SLX4IP: variants seen among roughly 807,000 people sequenced by gnomAD.
SLX4IP encodes the protein SLX4 interacting protein.
SLX4IP carries 34 observed loss-of-function variants against 32.9 expected under a neutral mutation model. That is an observed-to-expected ratio of 1.03 (90% CI 0.79 to 1.38). SLX4IP has a LOEUF of 1.38. SLX4IP is among the 40% of genes most tolerant of loss of function. The pLI, the probability that SLX4IP is intolerant of heterozygous loss-of-function variation, is 0.00. For synonymous variants in SLX4IP, 172 were observed against 171.7 expected, an observed-to-expected ratio of 1.00 and a Z score of -0.01; for missense variants, 444 against 479.0, an observed-to-expected ratio of 0.93 and a Z score of 0.68.
At chr20:10,601,874 G>T (rs553954156) in intron 6 of SLX4IP, 55 bp downstream of exon 6, 2 of 1,465,926 alleles carry the variant, frequency 1.4e-6, no homozygotes, top group East Asian at 4.6e-5. Flanking sequence ...CTGAGTTACT[G>T]TAAAAAATAG....
intron 2 of SLX4IP, among the ~76,000 whole-genome samples, chr20:10,460,244 T>C (rs1047365305): frequency 6.6e-5 from 10 of 152,358 alleles, no homozygotes; most frequent in African/African-American, 2.4e-4. Context: ...TTTAATTTTC[T>C]TCTGGCATCT....
chr20:10,600,402 A>G (rs1470830701), intron 5 of SLX4IP, among the ~76,000 whole-genome samples: 1 of 152,158 alleles, frequency 6.6e-6, no homozygotes, highest in Non-Finnish European at 1.5e-5. Flanking sequence ...TAGGTTTTTG[A>G]GCAGGATGAG....
chr20:10,474,088 G>T (rs1461938505), intron 2 of SLX4IP, among the ~76,000 whole-genome samples: 1 of 152,156 alleles, frequency 6.6e-6, no homozygotes, highest in Non-Finnish European at 1.5e-5. Flanking sequence ...ATTCCAAAGT[G>T]CTGGGATTAC....
chr20:10,517,932 C>T (rs1020470952), intron 2 of SLX4IP, among the ~76,000 whole-genome samples: 2 of 152,136 alleles, frequency 1.3e-5, no homozygotes, highest in East Asian at 3.8e-4. Flanking sequence ...TTTTATTTCT[C>T]CCAAAAAGCA....
At chr20:10,461,409 A>T (rs6108591) in intron 2 of SLX4IP, among the ~76,000 whole-genome samples, 7,073 of 152,330 alleles carry the variant, frequency 0.046, 528 homozygotes, top group African/African-American at 0.16. Flanking sequence ...AACCGTGAGT[A>T]TCAGGCTAGC....
At chr20:10,552,862 G>A (rs1192849232) in intron 2 of SLX4IP, among the ~76,000 whole-genome samples, 2 of 144,758 alleles carry the variant, frequency 1.4e-5, no homozygotes, top group East Asian at 4.1e-4. Flanking sequence ...GTTTTGCGGT[G>A]GTAGGAGGGT....
chr20:10,542,227 C>A (rs2066115439), intron 2 of SLX4IP, among the ~76,000 whole-genome samples: 1 of 152,046 alleles, frequency 6.6e-6, no homozygotes, highest in Non-Finnish European at 1.5e-5. Flanking sequence ...GAGTTTTCTC[C>A]CCTGGGTTGA....
intron 2 of SLX4IP, among the ~76,000 whole-genome samples, chr20:10,503,997 T>G (rs1298568914): frequency 6.6e-6 from 1 of 152,154 alleles, no homozygotes; most frequent in African/African-American, 2.4e-5. Context: ...GTATTGGGAG[T>G]TAGGACTTAT....
At position 10,627,772 on chromosome 20, in the gene SLX4IP, C is replaced by T. The variant is rs1380762874; in HGVS notation, c.*4393C>T. The T allele has an allele frequency of 1.3e-5, 2 of 152,172 alleles. No homozygotes were observed. The highest frequency in any genetic ancestry group is 2.9e-5 in the Non-Finnish European group (2 of 68,022). The allele number at this position is 152,172 out of a possible 1,614,324, so 9.4% of individuals were successfully genotyped here. ...TTTGCTTGAGCAAAAATCAATAAAACCTTATGTTTGACCCTAAAGTATTTG... is the reference window on the plus strand; with the variant it reads ...TTTGCTTGAGCAAAAATCAATAAAATCTTATGTTTGACCCTAAAGTATTTG... On this transcript the variant is annotated 3_prime_UTR_variant, in exon 8 of 8. Transcript: ENST00000334534.
intron 2 of SLX4IP, among the ~76,000 whole-genome samples, chr20:10,517,500 A>G (rs2065860297): frequency 6.6e-6 from 1 of 152,200 alleles, no homozygotes; most frequent in Non-Finnish European, 1.5e-5. Context: ...TTTTAGGGAG[A>G]CGGACATATG....
At chr20:10,482,390 C>T (rs1600916282) in intron 2 of SLX4IP, among the ~76,000 whole-genome samples, 2 of 152,150 alleles carry the variant, frequency 1.3e-5, no homozygotes, top group African/African-American at 4.8e-5. Flanking sequence ...GTTTTGATAT[C>T]ATGTGAGTGA....
At chr20:10,548,691 G>A (rs184849295) in intron 2 of SLX4IP, among the ~76,000 whole-genome samples, 5 of 152,328 alleles carry the variant, frequency 3.3e-5, no homozygotes, top group East Asian at 1.9e-4. Flanking sequence ...GATCACCAGC[G>A]ATCTCCTAAA....
intron 2 of SLX4IP, among the ~76,000 whole-genome samples, chr20:10,492,556 T>A (rs940911838): frequency 1.6e-4 from 25 of 152,232 alleles, no homozygotes; most frequent in South Asian, 2.1e-4. Context: ...TATATAGTGA[T>A]CTTTTGTCAT....
chr20:10,549,575 A>G (rs2066198431), intron 2 of SLX4IP, among the ~76,000 whole-genome samples: 1 of 152,244 alleles, frequency 6.6e-6, no homozygotes, highest in South Asian at 2.1e-4. Context: ...GTGCTCCCAC[A>G]TGAGGCTGGA....
At chr20:10,481,569 T>A (rs1489868255) in intron 2 of SLX4IP, among the ~76,000 whole-genome samples, 1 of 152,262 alleles carries the variant, frequency 6.6e-6, no homozygotes, top group African/African-American at 2.4e-5. Flanking sequence ...TTCAGGGATG[T>A]CAGCATCTTG....
chr20:10,586,822 A>C (rs370585283), intron 4 of SLX4IP, among the ~76,000 whole-genome samples: 7 of 152,150 alleles, frequency 4.6e-5, no homozygotes, highest in African/African-American at 1.2e-4. Context: ...AGAAAAATTC[A>C]TAGAAAAATA....
chr20:10,491,327 C>T (rs1171209307), intron 2 of SLX4IP, among the ~76,000 whole-genome samples: 1 of 152,082 alleles, frequency 6.6e-6, no homozygotes, highest in Non-Finnish European at 1.5e-5. Flanking sequence ...CCCTCAACTC[C>T]CCTGTTTTTT....
chr20:10,476,051 G>T (rs751749446), intron 2 of SLX4IP, among the ~76,000 whole-genome samples: 4 of 152,096 alleles, frequency 2.6e-5, no homozygotes, highest in Non-Finnish European at 5.9e-5. Context: ...GGATGACGAT[G>T]GTCATAATTA....
chr20:10,532,443 G>C (rs1361237647), intron 2 of SLX4IP, among the ~76,000 whole-genome samples: 1 of 151,968 alleles, frequency 6.6e-6, no homozygotes. Context: ...CATGAAGGAG[G>C]GAAAGATCCC....
Sources: allele counts gnomAD v4.1 joint callset (sites outside exome capture counted in the v4.1 genomes callset), GRCh38; gene constraint gnomAD v4.1.1; transcripts MANE v1.5; gene names NCBI Gene and HGNC (gene_info 2026-07-23, HGNC 2026-07-21).